Variants in CPNE4 observed in about 807,000 individuals in gnomAD.
CPNE4 encodes the protein copine-4.
In CPNE4, 25 loss-of-function variants were observed where a neutral mutation model predicts 67.9. That is an observed-to-expected ratio of 0.37 (90% CI 0.27 to 0.51). CPNE4 has a LOEUF of 0.51. Ranked by LOEUF, CPNE4 falls within the 20% of genes least tolerant of loss-of-function variation. The probability of loss-of-function intolerance (pLI) is 0.93; values close to 1 mark genes in which losing one functional copy is unlikely to be tolerated. For missense variants in CPNE4, 464 were observed against 690.8 expected (o/e 0.67, Z 3.68); for synonymous variants, 242 against 244.9 (o/e 0.99, Z 0.11).
In CPNE4 at chr3:131,819,966, T is replaced by C. The variant is rs182289849; in HGVS notation, c.180+85298A>G. 4.7e-4 allele frequency among the ~76,000 whole-genome samples: 72 copies of C among 152,330 alleles called. No homozygotes were observed. In the East Asian group the frequency reaches 6.0e-3, roughly 13 times the overall value. On this transcript the variant is annotated intron_variant, in intron 2 of 15. Coordinates refer to ENST00000429747, the MANE Select transcript of CPNE4 (RefSeq NM_130808.3). ...AATAATTTCTGGAAGGAATTGACTT[T>C]TGGAATCAAACCAAACTACATTTGA...
chr3:131,918,329 G>C (rs1225060), intron 1 of CPNE4, among the ~76,000 whole-genome samples: 1 of 152,102 alleles, frequency 6.6e-6, no homozygotes, highest in Non-Finnish European at 1.5e-5. Context: ...GTGATATCAC[G>C]CTCATTTAGA....
intron 6 of CPNE4, among the ~76,000 whole-genome samples, chr3:131,679,689 C>T (rs2080687145): frequency 6.6e-6 from 1 of 152,030 alleles, no homozygotes; most frequent in African/African-American, 2.4e-5. Context: ...TTATTTACCC[C>T]AAAATCATTC....
chr3:131,679,543 T>C (rs2080682306), intron 6 of CPNE4, among the ~76,000 whole-genome samples: 1 of 152,146 alleles, frequency 6.6e-6, no homozygotes, highest in Admixed American at 6.6e-5. Context: ...GAGATCTTTC[T>C]AGCTTTTTGA....
intron 10 of CPNE4, among the ~76,000 whole-genome samples, chr3:131,572,004 C>T (rs1275282642): frequency 6.6e-6 from 1 of 151,872 alleles, no homozygotes. Context: ...GTTTATTTAT[C>T]CAATTTGTTC....
chr3:131,593,709 T>G (rs971763907), intron 7 of CPNE4, among the ~76,000 whole-genome samples: 12 of 152,026 alleles, frequency 7.9e-5, no homozygotes, highest in African/African-American at 2.2e-4. Context: ...ATGGTTTGTT[T>G]GTTTGTTTGT....
At chr3:131,654,204 A>AT (rs1288874966) in intron 7 of CPNE4, among the ~76,000 whole-genome samples, 4 of 151,310 alleles carry the variant, frequency 2.6e-5, no homozygotes, top group African/African-American at 7.3e-5. Context: ...TTATACATTT[A>AT]TTTTTTTCCC....
intron 3 of CPNE4, among the ~76,000 whole-genome samples, chr3:131,719,561 C>G (rs947476296): frequency 2.0e-5 from 3 of 152,320 alleles, no homozygotes; most frequent in East Asian, 1.9e-4. Context: ...GCCAGCCTGT[C>G]CTTCTTTTTA....
intron 2 of CPNE4, among the ~76,000 whole-genome samples, chr3:131,890,537 G>A (rs371449454): frequency 6.6e-5 from 10 of 151,792 alleles, no homozygotes; most frequent in Admixed American, 2.0e-4. Flanking sequence ...ACAGTATGGC[G>A]GTTCCTCAAA....
At chr3:131,798,637 TA>T (rs1676084929) in intron 2 of CPNE4, among the ~76,000 whole-genome samples, 1 of 103,370 alleles carries the variant, frequency 9.7e-6, no homozygotes, top group Non-Finnish European at 2.1e-5. Context: ...TCTGATATGA[TA>T]GTTTTTTGTG....
chr3:131,976,377 T>C (rs1235417589), intron 1 of CPNE4, among the ~76,000 whole-genome samples: 2 of 152,120 alleles, frequency 1.3e-5, no homozygotes, highest in African/African-American at 4.8e-5. Context: ...TTTGATAAAG[T>C]TCACCAAAGC....
chr3:131,799,062 CT>C (rs1012491312), intron 2 of CPNE4, among the ~76,000 whole-genome samples: 1 of 151,918 alleles, frequency 6.6e-6, no homozygotes, highest in Non-Finnish European at 1.5e-5. Flanking sequence ...TTCCAAAGAG[CT>C]TAAGTTGTAT....
chr3:131,950,475 T>A (rs1193327865), intron 1 of CPNE4, among the ~76,000 whole-genome samples: 1 of 152,046 alleles, frequency 6.6e-6, no homozygotes, highest in Non-Finnish European at 1.5e-5. Context: ...GTTTAAAGTA[T>A]GAAAAATGGG....
At chr3:131,746,814 T>C (rs1448216642) in intron 2 of CPNE4, among the ~76,000 whole-genome samples, 2 of 152,156 alleles carry the variant, frequency 1.3e-5, no homozygotes, top group African/African-American at 4.8e-5. Context: ...GGTTATATTG[T>C]AGTTCTATTT....
chr3:131,934,084 T>C (rs2071149282), intron 1 of CPNE4, among the ~76,000 whole-genome samples: 1 of 152,206 alleles, frequency 6.6e-6, no homozygotes, highest in East Asian at 1.9e-4. Context: ...AGGGAGGCAC[T>C]GCAAAGGAAG....
intron 2 of CPNE4, 74 bp from the exon 3 acceptor site, chr3:131,723,699 A>G: frequency 7.5e-7 from 1 of 1,340,268 alleles, no homozygotes; most frequent in Non-Finnish European, 1.0e-6. Context: ...AATTCATCTC[A>G]GAGCACTTCC....
chr3:131,889,314 A>G (rs2088016094), intron 2 of CPNE4, among the ~76,000 whole-genome samples: 1 of 152,290 alleles, frequency 6.6e-6, no homozygotes, highest in Non-Finnish European at 1.5e-5. Context: ...CTGTTAGCCA[A>G]TTATTTAATC....
intron 2 of CPNE4, among the ~76,000 whole-genome samples, chr3:131,856,310 G>A (rs2107655597): frequency 6.6e-6 from 1 of 151,684 alleles, no homozygotes; most frequent in South Asian, 2.1e-4. Context: ...TTGAACTCCT[G>A]GCCTCAGGCA....
At chr3:131,635,716 G>C (rs2079361392) in intron 7 of CPNE4, among the ~76,000 whole-genome samples, 1 of 152,164 alleles carries the variant, frequency 6.6e-6, no homozygotes, top group Admixed American at 6.5e-5. Flanking sequence ...GACCAAACAG[G>C]GGAGAGGGAT....
At chr3:131,761,726 C>T (rs1458083500) in intron 2 of CPNE4, among the ~76,000 whole-genome samples, 1 of 151,942 alleles carries the variant, frequency 6.6e-6, no homozygotes, top group African/African-American at 2.4e-5. Context: ...CTCTTGGGAC[C>T]CTAGAACTTT....
Sources: gnomAD v4.1 joint callset for allele counts (sites outside exome capture counted in the v4.1 genomes callset) on GRCh38, gnomAD v4.1.1 for gene constraint, MANE v1.5 for transcripts, NCBI Gene and HGNC (gene_info 2026-07-23, HGNC 2026-07-21) for gene names.